Variants in GTF2F2 observed in about 807,000 individuals in gnomAD.
GTF2F2 encodes general transcription factor IIF subunit 2.
A neutral mutation model predicts 42.2 loss-of-function variants in GTF2F2; 23 were observed. The observed-to-expected ratio is 0.55, with a 90% CI of 0.39 to 0.77. The LOEUF (loss-of-function observed/expected upper bound fraction) is 0.77, where lower values mean the gene tolerates loss of function less well. GTF2F2 is among the 30% of genes least tolerant of loss of function. The pLI is 0.00. For synonymous variants in GTF2F2, 105 were observed against 100.8 expected, an observed-to-expected ratio of 1.04 and a Z score of -0.25; for missense variants, 261 against 287.2, an observed-to-expected ratio of 0.91 and a Z score of 0.66.
chr13:45,258,976 T>TAAAGA (rs1282620238), intron 6 of GTF2F2, among the ~76,000 whole-genome samples: 1 of 152,236 alleles, frequency 6.6e-6, no homozygotes, highest in Non-Finnish European at 1.5e-5. Flanking sequence ...GTATCTAGCC[T>TAAAGA]ATGTAAATTT....
chr13:45,125,161 G>T (rs1369300183), intron 1 of GTF2F2, among the ~76,000 whole-genome samples: 1 of 152,162 alleles, frequency 6.6e-6, no homozygotes, highest in African/African-American at 2.4e-5. Flanking sequence ...GGTAAAGTAG[G>T]TATTAATTAC....
chr13:45,120,865 A>C (rs916008605), intron 1 of GTF2F2, 144 bp downstream of exon 1: 5 of 644,806 alleles, frequency 7.8e-6, no homozygotes, highest in Non-Finnish European at 1.4e-5. Context: ...GGCAGGAGTC[A>C]TTGTTGTATC....
intron 5 of GTF2F2, among the ~76,000 whole-genome samples, chr13:45,231,027 A>G (rs901153673): frequency 6.6e-6 from 1 of 151,818 alleles, no homozygotes; most frequent in African/African-American, 2.4e-5. Context: ...ATTGTTTGTC[A>G]TTGTATCACA....
chr13:45,150,920 T>A (rs1259226819), intron 3 of GTF2F2, among the ~76,000 whole-genome samples: 1 of 152,184 alleles, frequency 6.6e-6, no homozygotes, highest in Non-Finnish European at 1.5e-5. Flanking sequence ...TGTCTTTTTT[T>A]ATAATGATAG....
rs755766728 is a variant in GTF2F2 at position 45,252,871 on chromosome 13, A to G, written c.387A>G (p.Arg129=). 3 of 1,397,038 alleles carry G rather than the reference A, an allele frequency of 2.1e-6. No homozygotes were observed. The highest frequency in any genetic ancestry group is 2.9e-6 in the Non-Finnish European group (3 of 1,029,164). The allele number at this position is 1,397,038 out of a possible 1,614,324, so 86.5% of individuals were successfully genotyped here. ...AATAATGCCTTATATTTTTTTTCAG[A>G]TTGCAAATAGAAGAGTCTTCCAAAC... The part of the protein sequence containing the change: ...AASENYMRLK[R]LQIEESSKPV... The change falls in exon 6 of 8, where the codon AGA becomes AGG. Residue 129 remains arginine, a splice_region_variant and synonymous_variant. Transcript: ENST00000340473.
intron 6 of GTF2F2, among the ~76,000 whole-genome samples, chr13:45,254,077 A>T (rs1875990479): frequency 6.6e-6 from 1 of 151,992 alleles, no homozygotes; most frequent in South Asian, 2.1e-4. Flanking sequence ...CTCAAAAAAA[A>T]AAAAAAAAAG....
chr13:45,147,979 G>A (rs540410881), intron 2 of GTF2F2, among the ~76,000 whole-genome samples: 1 of 152,106 alleles, frequency 6.6e-6, no homozygotes, highest in Admixed American at 6.5e-5. Flanking sequence ...TGTTTTATTT[G>A]TAGTTGTTTA....
chr13:45,135,728 T>G (rs772747905), intron 1 of GTF2F2, among the ~76,000 whole-genome samples: 4 of 152,230 alleles, frequency 2.6e-5, no homozygotes, highest in Non-Finnish European at 4.4e-5. Flanking sequence ...AGGTAGAATT[T>G]CTTTCCTTCT....
intron 6 of GTF2F2, among the ~76,000 whole-genome samples, chr13:45,256,681 G>T (rs915893003): frequency 2.0e-5 from 3 of 152,180 alleles, no homozygotes; most frequent in African/African-American, 7.2e-5. Flanking sequence ...TATAGAAAGA[G>T]TATAACATTT....
chr13:45,171,521 C>G (rs971770001), intron 4 of GTF2F2, among the ~76,000 whole-genome samples: 2 of 152,116 alleles, frequency 1.3e-5, no homozygotes, highest in East Asian at 3.8e-4. Context: ...AGTTTTCTTT[C>G]TATCTGAAGT....
intron 4 of GTF2F2, chr13:45,193,759 C>T (rs1872749723): frequency 3.2e-6 from 5 of 1,544,158 alleles, no homozygotes; most frequent in Non-Finnish European, 4.3e-6. Context: ...TGGCTGCATG[C>T]TTGTTGCCTT....
chr13:45,262,431 CTTTAA>C (rs2138258905), intron 6 of GTF2F2, among the ~76,000 whole-genome samples: 1 of 152,220 alleles, frequency 6.6e-6, no homozygotes, highest in South Asian at 2.1e-4. Context: ...TTAGTTAAAT[CTTTAA>C]TTTATTTTTG....
At chr13:45,200,057 A>T (rs1396210489) in intron 4 of GTF2F2, among the ~76,000 whole-genome samples, 1 of 151,804 alleles carries the variant, frequency 6.6e-6, no homozygotes, top group Admixed American at 6.6e-5. Flanking sequence ...GTACATCTTA[A>T]TATCGTTAGC....
chr13:45,271,638 A>G (rs1001724167), intron 7 of GTF2F2, among the ~76,000 whole-genome samples: 4 of 150,626 alleles, frequency 2.7e-5, no homozygotes, highest in African/African-American at 9.8e-5. Context: ...TACAACCTCC[A>G]CCTCCCGGGT....
chr13:45,128,442 G>A (rs980405909), intron 1 of GTF2F2, among the ~76,000 whole-genome samples: 4 of 150,510 alleles, frequency 2.7e-5, no homozygotes, highest in East Asian at 4.1e-4. Flanking sequence ...GCATGGTGGC[G>A]GGCGTCTATA....
At chr13:45,173,878 A>G (rs1180728369) in intron 4 of GTF2F2, among the ~76,000 whole-genome samples, 1 of 151,930 alleles carries the variant, frequency 6.6e-6, no homozygotes, top group Admixed American at 6.6e-5. Flanking sequence ...CAGCCTCCCA[A>G]AGTGCTGGGA....
At chr13:45,262,091 G>T (rs576438816) in intron 6 of GTF2F2, among the ~76,000 whole-genome samples, 1 of 152,246 alleles carries the variant, frequency 6.6e-6, no homozygotes, top group South Asian at 2.1e-4. Context: ...AATTTAACTG[G>T]CTGGGTGCAG....
intron 6 of GTF2F2, among the ~76,000 whole-genome samples, chr13:45,261,126 A>G (rs531979371): frequency 6.6e-6 from 1 of 152,040 alleles, no homozygotes; most frequent in South Asian, 2.1e-4. Flanking sequence ...ACCCCATCTC[A>G]AAAAAGAAAA....
intron 6 of GTF2F2, among the ~76,000 whole-genome samples, chr13:45,266,542 C>A (rs772124116): frequency 6.6e-6 from 1 of 152,184 alleles, no homozygotes; most frequent in Non-Finnish European, 1.5e-5. Flanking sequence ...TATGAAACTG[C>A]ATCTGTTAGA....
Sources: allele counts gnomAD v4.1 joint callset (sites outside exome capture counted in the v4.1 genomes callset), GRCh38; gene constraint gnomAD v4.1.1; transcripts MANE v1.5; gene names NCBI Gene and HGNC (gene_info 2026-07-23, HGNC 2026-07-21).